Variants in ME3 observed in about 807,000 individuals in gnomAD.
ME3 encodes NADP-dependent malic enzyme, mitochondrial.
A neutral mutation model predicts 68.9 loss-of-function variants in ME3; 48 were observed. The observed-to-expected ratio is 0.70, with a 90% CI of 0.55 to 0.89. The LOEUF is 0.89. Among genes scored for constraint, ME3 ranks in the 40% least tolerant of loss-of-function variants. ME3 has a pLI of 0.00. For synonymous variants in ME3, 320 were observed against 318.8 expected (o/e 1.00, Z -0.04); for missense variants, 675 against 797.4 (o/e 0.85, Z 1.85).
At chr11:86,604,196 C>T (rs763205416) in intron 2 of ME3, among the ~76,000 whole-genome samples, 1 of 151,926 alleles carries the variant, frequency 6.6e-6, no homozygotes, top group African/African-American at 2.4e-5. Flanking sequence ...GCAGATGAAG[C>T]CTCCAGACTT....
At chr11:86,671,639 C>G (rs1594853844) in intron 2 of ME3, 123 bp downstream of exon 2, 5 of 1,251,382 alleles carry the variant, frequency 4.0e-6, no homozygotes, top group Admixed American at 2.5e-5. Context: ...CCCTGCAAGG[C>G]AAAAACAGAA....
At chr11:86,521,644 T>C (rs1050100424) in intron 4 of ME3, among the ~76,000 whole-genome samples, 1 of 152,192 alleles carries the variant, frequency 6.6e-6, no homozygotes, top group Non-Finnish European at 1.5e-5. Flanking sequence ...CTATGGTTCA[T>C]GGACAGGGCA....
intron 3 of ME3, among the ~76,000 whole-genome samples, chr11:86,558,431 C>T (rs1957038033): frequency 6.6e-6 from 1 of 152,148 alleles, no homozygotes; most frequent in African/African-American, 2.4e-5. Context: ...ATGTGACTAA[C>T]ATCCTTCGAG....
intron 2 of ME3, among the ~76,000 whole-genome samples, chr11:86,579,194 C>G (rs1432627577): frequency 6.6e-6 from 1 of 152,102 alleles, no homozygotes; most frequent in Non-Finnish European, 1.5e-5. Flanking sequence ...ATTCTTTATA[C>G]CCTTTCATAT....
intron 2 of ME3, among the ~76,000 whole-genome samples, chr11:86,615,585 TG>T (rs2135227836): frequency 6.6e-6 from 1 of 152,220 alleles, no homozygotes; most frequent in East Asian, 1.9e-4. Context: ...AGTTCACCTC[TG>T]TCTGAGTCTG....
At chr11:86,636,859 C>A (rs1421398291) in intron 2 of ME3, among the ~76,000 whole-genome samples, 4 of 152,200 alleles carry the variant, frequency 2.6e-5, no homozygotes, top group African/African-American at 9.7e-5. Flanking sequence ...GTTTCTGTTT[C>A]TCCTTAAGTG....
chr11:86,538,772 G>C (rs1005379739), intron 4 of ME3, among the ~76,000 whole-genome samples: 1 of 152,062 alleles, frequency 6.6e-6, no homozygotes. Context: ...TACCCCACTG[G>C]AAAGTGCATC....
exon 9 of ME3, chr11:86,450,351 T>A (rs1949563241): frequency 6.2e-7 from 1 of 1,614,014 alleles, no homozygotes; most frequent in Non-Finnish European, 8.5e-7. Flanking sequence ...TTGTTCTTGG[T>A]GATTCGCAGA....
At chr11:86,633,126 T>C (rs1040773800) in intron 2 of ME3, among the ~76,000 whole-genome samples, 2 of 152,192 alleles carry the variant, frequency 1.3e-5, no homozygotes, top group Non-Finnish European at 2.9e-5. Flanking sequence ...GAGGATTTGG[T>C]TGCTTATTCT....
At chr11:86,515,227 C>T (rs1453709496) in intron 4 of ME3, among the ~76,000 whole-genome samples, 1 of 152,188 alleles carries the variant, frequency 6.6e-6, no homozygotes, top group African/African-American at 2.4e-5. Context: ...AAACATGTCA[C>T]ACACAAAAAG....
intron 4 of ME3, among the ~76,000 whole-genome samples, chr11:86,513,193 A>G (rs1953661209): frequency 1.3e-5 from 2 of 152,216 alleles, no homozygotes; most frequent in African/African-American, 4.8e-5. Flanking sequence ...GAGAGGAGGG[A>G]CACTTAAAAT....
intron 4 of ME3, among the ~76,000 whole-genome samples, chr11:86,517,094 G>C (rs993436232): frequency 1.3e-5 from 2 of 152,054 alleles, no homozygotes; most frequent in South Asian, 4.1e-4. Flanking sequence ...TCTGTCCTTC[G>C]TGGAAGCAAT....
chr11:86,631,720 G>C (rs1452257082), intron 2 of ME3, among the ~76,000 whole-genome samples: 1 of 152,162 alleles, frequency 6.6e-6, no homozygotes, highest in Non-Finnish European at 1.5e-5. Flanking sequence ...CGGGCTGCCA[G>C]GCACTGTTCT....
intron 2 of ME3, among the ~76,000 whole-genome samples, chr11:86,561,745 G>T (rs373129101): frequency 6.6e-6 from 1 of 152,102 alleles, no homozygotes; most frequent in Non-Finnish European, 1.5e-5. Flanking sequence ...AGAGTACAGT[G>T]GTTATGTGCA....
intron 2 of ME3, among the ~76,000 whole-genome samples, chr11:86,605,853 T>C (rs949923924): frequency 6.6e-6 from 1 of 152,100 alleles, no homozygotes; most frequent in African/African-American, 2.4e-5. Flanking sequence ...CAGTTTTTTT[T>C]CCACTTTAAA....
downstream of ME3, among the ~76,000 whole-genome samples, chr11:86,440,710 G>C (rs1194493875): frequency 6.6e-6 from 1 of 152,162 alleles, no homozygotes; most frequent in Non-Finnish European, 1.5e-5. Flanking sequence ...TGGCTGACAT[G>C]GACTAAACTC....
chr11:86,446,896 A>G (rs1593988714), intron 12 of ME3, 169 bp downstream of exon 12: 5 of 929,248 alleles, frequency 5.4e-6, no homozygotes, highest in Admixed American at 2.9e-5. Flanking sequence ...TGGGTTTGAC[A>G]GCCAGCTCCA....
At chr11:86,669,729 T>C (rs1055348878) in intron 2 of ME3, among the ~76,000 whole-genome samples, 4 of 152,116 alleles carry the variant, frequency 2.6e-5, no homozygotes, top group Admixed American at 2.6e-4. Flanking sequence ...ATCAACAACT[T>C]ATTTATAGTA....
At chr11:86,487,749 A>G (rs1951780772) in intron 6 of ME3, among the ~76,000 whole-genome samples, 1 of 152,172 alleles carries the variant, frequency 6.6e-6, no homozygotes, top group Admixed American at 6.5e-5. Context: ...AGGATTTCTC[A>G]ACAGTGGCAT....
Sources: allele counts gnomAD v4.1 joint callset (sites outside exome capture counted in the v4.1 genomes callset), GRCh38; gene constraint gnomAD v4.1.1; transcripts MANE v1.5; gene names NCBI Gene and HGNC (gene_info 2026-07-23, HGNC 2026-07-21).